BARD1: variants seen among roughly 807,000 people sequenced by gnomAD.
The protein encoded by BARD1 is BRCA1-associated RING domain protein 1.
BARD1 carries 73 observed loss-of-function variants against 77.0 expected under a neutral mutation model. The observed-to-expected ratio is 0.95, with a 90% CI of 0.79 to 1.15. The LOEUF (loss-of-function observed/expected upper bound fraction) is 1.15. BARD1 is among the 50% of genes most tolerant of loss of function. BARD1 has a pLI of 0.00. For missense variants in BARD1, 993 were observed against 938.8 expected, an observed-to-expected ratio of 1.06 and a Z score of -0.75; for synonymous variants, 384 against 338.0, an observed-to-expected ratio of 1.14 and a Z score of -1.49.
chr2:214,782,086 A>C (rs1289642205), intron 3 of BARD1, among the ~76,000 whole-genome samples: 1 of 152,196 alleles, frequency 6.6e-6, no homozygotes, highest in Non-Finnish European at 1.5e-5. Context: ...GAGGACTCAT[A>C]CTATATGACT....
intron 6 of BARD1, among the ~76,000 whole-genome samples, chr2:214,752,901 G>A (rs1334718095): frequency 6.6e-6 from 1 of 151,976 alleles, no homozygotes; most frequent in African/African-American, 2.4e-5. Flanking sequence ...AGCTATTATA[G>A]GCCATATAGT....
At chr2:214,805,445 A>G (rs1040144407) in intron 1 of BARD1, among the ~76,000 whole-genome samples, 2 of 152,226 alleles carry the variant, frequency 1.3e-5, no homozygotes, top group Non-Finnish European at 2.9e-5. Context: ...CTGCTCTGTG[A>G]GAATGCCTCT....
intron 4 of BARD1, among the ~76,000 whole-genome samples, chr2:214,780,031 A>C (rs1283167530): frequency 6.6e-6 from 1 of 152,170 alleles, no homozygotes; most frequent in Non-Finnish European, 1.5e-5. Context: ...AGGTCAGTAA[A>C]AGGAACAGCT....
At chr2:214,770,151 TG>T (rs902820589) in intron 4 of BARD1, among the ~76,000 whole-genome samples, 7 of 152,084 alleles carry the variant, frequency 4.6e-5, no homozygotes, top group Non-Finnish European at 7.4e-5. Context: ...CTGTTTAAAA[TG>T]GCAAAAAAAG....
At chr2:214,796,461 G>A (rs1177059736) in intron 2 of BARD1, among the ~76,000 whole-genome samples, 3 of 152,152 alleles carry the variant, frequency 2.0e-5, no homozygotes, top group Non-Finnish European at 4.4e-5. Flanking sequence ...AGCACTCAAG[G>A]AAGAATGCCA....
At chr2:214,799,731 T>C (rs1225109316) in intron 1 of BARD1, among the ~76,000 whole-genome samples, 1 of 152,186 alleles carries the variant, frequency 6.6e-6, no homozygotes, top group African/African-American at 2.4e-5. Context: ...GTTTTGATCA[T>C]ACCTCCCATT....
chr2:214,784,884 G>A (rs931812067), intron 3 of BARD1, among the ~76,000 whole-genome samples: 2 of 152,060 alleles, frequency 1.3e-5, no homozygotes, highest in East Asian at 1.9e-4. Flanking sequence ...CCGATGGAGC[G>A]GGGTCAGGGG....
chr2:214,777,822 G>A (rs1004545625), intron 4 of BARD1, among the ~76,000 whole-genome samples: 1 of 152,208 alleles, frequency 6.6e-6, no homozygotes, highest in African/African-American at 2.4e-5. Flanking sequence ...TAAGATAGCA[G>A]AATTGCAATA....
intron 1 of BARD1, among the ~76,000 whole-genome samples, chr2:214,807,148 T>C (rs1696313362): frequency 6.6e-6 from 1 of 152,052 alleles, no homozygotes; most frequent in African/African-American, 2.4e-5. Context: ...CGAAAAAATT[T>C]GCAGACCCCT....
rs375244111 is a variant in BARD1, at chr2:214,759,351, T to C, written c.1569-6796A>G. Among the ~76,000 whole-genome samples the C allele has an allele frequency of 1.3e-4, 20 of 152,288 alleles. No homozygotes were observed. The South Asian group carries it at 3.7e-3, about 28-fold the overall frequency. Reference sequence around the variant, plus strand: ...CCACACACTCAAAATGGTTCTCATGTGACCGTAAGAGCTGTGGTTCTAGCT... The same window carrying C: ...CCACACACTCAAAATGGTTCTCATGCGACCGTAAGAGCTGTGGTTCTAGCT... On this transcript the variant is annotated intron_variant, in intron 6 of 10. Transcript: ENST00000260947.
At chr2:214,787,177 T>C (rs1166321306) in intron 3 of BARD1, among the ~76,000 whole-genome samples, 2 of 151,930 alleles carry the variant, frequency 1.3e-5, no homozygotes, top group Middle Eastern at 3.4e-3. Flanking sequence ...GAATTGAGCT[T>C]TTAAAGGAAA....
At chr2:214,770,954 C>T (rs1181273763) in intron 4 of BARD1, among the ~76,000 whole-genome samples, 1 of 152,144 alleles carries the variant, frequency 6.6e-6, no homozygotes, top group Non-Finnish European at 1.5e-5. Context: ...TATTTAATTA[C>T]ATATTACGTT....
intron 4 of BARD1, among the ~76,000 whole-genome samples, chr2:214,771,308 T>G (rs1441013223): frequency 6.6e-6 from 1 of 152,210 alleles, no homozygotes; most frequent in African/African-American, 2.4e-5. Flanking sequence ...GCTTCTTTAG[T>G]GAATAAATCT....
At chr2:214,764,742 G>A (rs1401911189) in intron 6 of BARD1, among the ~76,000 whole-genome samples, 1 of 152,172 alleles carries the variant, frequency 6.6e-6, no homozygotes, top group Admixed American at 6.6e-5. Flanking sequence ...TGCTCTGGCT[G>A]CAGGATGGAG....
rs2106021331 is a variant in BARD1 at position 214,745,832 on chromosome 2, T to C, written c.1700A>G (p.Asp567Gly). Residue 567 changes from aspartate (D) to glycine (G), a missense_variant, in exon 8 of 11, where the codon GAT (aspartate) becomes GGT (glycine). Physicochemically the swap from Asp to Gly is moderately conservative, Grantham distance 94. Transcript: ENST00000260947. ...CSVMNTGQRR[D>G]GPLVLIGSGL... ...ACTGCCTATAAGTACAAGAGGTCCA[T>C]CCCTACGCTGCCCAGTGTTCATCTG... is the stretch of plus-strand genomic sequence containing the variant. The C allele has an allele frequency of 1.2e-6, 2 of 1,613,934 alleles. No homozygotes were observed. The highest frequency in any genetic ancestry group is 2.2e-5 in the East Asian group (1 of 44,870).
chr2:214,798,927 G>A (rs1424271619), intron 1 of BARD1, among the ~76,000 whole-genome samples: 1 of 151,936 alleles, frequency 6.6e-6, no homozygotes, highest in Non-Finnish European at 1.5e-5. Context: ...GACTGGCCTG[G>A]GCAACATGGT....
chr2:214,749,722 C>T (rs1436775290), intron 7 of BARD1, among the ~76,000 whole-genome samples: 1 of 151,598 alleles, frequency 6.6e-6, no homozygotes, highest in Non-Finnish European at 1.5e-5. Context: ...GAATTGAGTA[C>T]CGACCTAAGT....
At chr2:214,772,323 A>G (rs550374219) in intron 4 of BARD1, among the ~76,000 whole-genome samples, 4 of 152,130 alleles carry the variant, frequency 2.6e-5, no homozygotes, top group Non-Finnish European at 5.9e-5. Flanking sequence ...TTTTTTTCCA[A>G]AACAATCCTG....
chr2:214,773,091 T>C (rs745847900), intron 4 of BARD1, among the ~76,000 whole-genome samples: 1 of 152,202 alleles, frequency 6.6e-6, no homozygotes, highest in Non-Finnish European at 1.5e-5. Context: ...CTTTTATTCC[T>C]AATCTTTCAA....
Sources: allele counts gnomAD v4.1 joint callset (sites outside exome capture counted in the v4.1 genomes callset), GRCh38; gene constraint gnomAD v4.1.1; transcripts MANE v1.5; gene names NCBI Gene and HGNC (gene_info 2026-07-23, HGNC 2026-07-21).